The following DIAPH2 variants were observed in gnomAD, a reference collection of about 807,000 sequenced individuals.
DIAPH2 encodes diaphanous related formin 2, also known as protein diaphanous homolog 2.
DIAPH2 carries 35 observed loss-of-function variants against 92.7 expected under a neutral mutation model. That is an observed-to-expected ratio of 0.38 (90% CI 0.29 to 0.50). The LOEUF (loss-of-function observed/expected upper bound fraction) is 0.50, where lower values mean the gene tolerates loss of function less well. DIAPH2 is among the 20% of genes least tolerant of loss of function. The probability of loss-of-function intolerance (pLI) is 0.94; values close to 1 mark genes in which losing one functional copy is unlikely to be tolerated. For missense variants in DIAPH2, 701 were observed against 819.5 expected (o/e 0.86, Z 1.77); for synonymous variants, 301 against 280.4 (o/e 1.07, Z -0.73).
chrX:97,382,028 A>C (rs1161311797), intron 24 of DIAPH2, among the ~76,000 whole-genome samples: 1 of 111,447 alleles, frequency 9.0e-6, no homozygotes, highest in African/African-American at 3.3e-5. Flanking sequence ...CTGTTTACCA[A>C]ATTAGAGATT....
chrX:97,596,687 G>A (rs1302919277), intron 26 of DIAPH2, among the ~76,000 whole-genome samples: 1 of 111,536 alleles, frequency 9.0e-6, no homozygotes, highest in African/African-American at 3.3e-5. Flanking sequence ...TCTAACATTT[G>A]TCCTTTCCTC....
chrX:97,425,346 A>G (rs143301986), intron 25 of DIAPH2, among the ~76,000 whole-genome samples: 1 of 112,267 alleles, frequency 8.9e-6, no homozygotes. Flanking sequence ...TCTATTGTAC[A>G]TCATGGTAAC....
chrX:96,818,631 G>A (rs1190482845), intron 4 of DIAPH2, among the ~76,000 whole-genome samples: 1 of 112,225 alleles, frequency 8.9e-6, no homozygotes, highest in Non-Finnish European at 1.9e-5. Flanking sequence ...AGTGGCTAGC[G>A]ACTATTTTTA....
At chrX:96,962,420 C>CATAT (rs763042811) in intron 16 of DIAPH2, among the ~76,000 whole-genome samples, 7 of 60,170 alleles carry the variant, frequency 1.2e-4, no homozygotes, top group Non-Finnish European at 1.7e-4. Flanking sequence ...TATATATACA[C>CATAT]ATATATATAC....
intron 23 of DIAPH2, among the ~76,000 whole-genome samples, chrX:97,276,250 A>G (rs2068450868): frequency 9.0e-6 from 1 of 111,230 alleles, no homozygotes; most frequent in African/African-American, 3.3e-5. Flanking sequence ...TCGGCTCGGC[A>G]TCTGAGGGAG....
At chrX:97,070,845 A>G (rs1390037693) in intron 17 of DIAPH2, among the ~76,000 whole-genome samples, 5 of 111,672 alleles carry the variant, frequency 4.5e-5, no homozygotes, top group African/African-American at 1.6e-4. Context: ...ATTTTAAACA[A>G]TTTGTTCACT....
At chrX:96,908,495 TATC>T (rs1217950775) in intron 5 of DIAPH2, among the ~76,000 whole-genome samples, 1 of 111,949 alleles carries the variant, frequency 8.9e-6, no homozygotes, top group Non-Finnish European at 1.9e-5. Flanking sequence ...ACTGTATTCT[TATC>T]ATTCTAGATG....
At chrX:96,914,884 G>T (rs1439240647) in intron 7 of DIAPH2, among the ~76,000 whole-genome samples, 3 of 111,326 alleles carry the variant, frequency 2.7e-5, no homozygotes, top group African/African-American at 9.7e-5. Context: ...TATGCCTTCA[G>T]AATAGAAAAT....
chrX:96,991,479 G>GAT (rs1345569537), intron 17 of DIAPH2, among the ~76,000 whole-genome samples: 2 of 105,619 alleles, frequency 1.9e-5, no homozygotes, highest in Non-Finnish European at 3.9e-5. Flanking sequence ...ACTTGCCCAA[G>GAT]ATAACACAGA....
chrX:97,518,352 G>A (rs2070965211), intron 26 of DIAPH2, among the ~76,000 whole-genome samples: 2 of 111,291 alleles, frequency 1.8e-5, no homozygotes, highest in Non-Finnish European at 3.8e-5. Flanking sequence ...AAAACTAGAG[G>A]AGATAAAGTA....
intron 4 of DIAPH2, among the ~76,000 whole-genome samples, chrX:96,833,680 G>T (rs1472079391): frequency 9.1e-6 from 1 of 109,618 alleles, no homozygotes; most frequent in South Asian, 3.9e-4. Context: ...TTATTTTTTG[G>T]GACTGAGTCT....
In DIAPH2 at chrX:96,912,310, T is replaced by G. The variant is rs2065473775; in HGVS notation, c.588-18T>G. On this transcript the variant is annotated intron_variant, in intron 5 of 26. Coordinates refer to ENST00000324765, the MANE Select transcript of DIAPH2 (RefSeq NM_006729.5). ...TTACTAACTTACTTATACATCTAAT[T>G]TTTTGTTTATTTCTCAGCTGGGTTA... The G allele has an allele frequency of 4.3e-6, 5 of 1,159,318 alleles. No homozygotes were observed. The highest frequency in any genetic ancestry group is 4.7e-6 in the Non-Finnish European group (4 of 859,949).
At chrX:96,915,053 G>T (rs950240213) in intron 7 of DIAPH2, among the ~76,000 whole-genome samples, 1 of 110,825 alleles carries the variant, frequency 9.0e-6, no homozygotes, top group Non-Finnish European at 1.9e-5. Context: ...GTAACAATAG[G>T]ATCATAAAAA....
intron 1 of DIAPH2, among the ~76,000 whole-genome samples, chrX:96,712,132 A>G (rs2063922126): frequency 9.0e-6 from 1 of 110,821 alleles, no homozygotes; most frequent in Non-Finnish European, 1.9e-5. Flanking sequence ...TCATGTTTGT[A>G]TCTGTCATCT....
chrX:97,113,098 C>T (rs2147377392), intron 20 of DIAPH2, among the ~76,000 whole-genome samples: 1 of 110,920 alleles, frequency 9.0e-6, no homozygotes, highest in Admixed American at 9.6e-5. Flanking sequence ...CTTTTAGTGT[C>T]AGTTCTATGT....
chrX:96,684,993 C>T lies in DIAPH2; in HGVS notation c.-66C>T. On this transcript the variant is annotated 5_prime_UTR_variant, in exon 1 of 27. Coordinates refer to ENST00000324765, the MANE Select transcript of DIAPH2 (RefSeq NM_006729.5). Reference sequence around the variant, plus strand: ...AGTCAGCGCGGGGCAGTGTGAGCGCCCCGAGGTGCTTTCTCAGTTGAGGAG... The same window carrying T: ...AGTCAGCGCGGGGCAGTGTGAGCGCTCCGAGGTGCTTTCTCAGTTGAGGAG... 1.1e-6 allele frequency: 1 copy of T among 948,837 alleles called. No homozygotes were observed. Among genetic ancestry groups the T allele is most frequent in the Non-Finnish European group, 1.3e-6 (1 of 754,764 alleles). 78.2% of individuals were successfully genotyped at this position (948,837 alleles called of 1,213,427 possible). A position where few individuals can be genotyped will look rare whatever the true frequency, so the allele number is the denominator to read the frequency against.
intron 24 of DIAPH2, among the ~76,000 whole-genome samples, chrX:97,349,081 TA>T (rs1264429947): frequency 0.014 from 1,049 of 74,993 alleles, 13 homozygotes; most frequent in East Asian, 0.058. Flanking sequence ...TATATATATA[TA>T]TTTTTTTTTT....
At chrX:97,028,810 G>A (rs1303470024) in intron 17 of DIAPH2, among the ~76,000 whole-genome samples, 1 of 111,710 alleles carries the variant, frequency 9.0e-6, no homozygotes, top group Non-Finnish European at 1.9e-5. Flanking sequence ...ATTCTACTGG[G>A]CATGTATCGG....
rs1474853906 is a variant in DIAPH2 at position 97,032,420 on chromosome X, G to A, written c.2051-40521G>A. Among the ~76,000 whole-genome samples the A allele has an allele frequency of 4.5e-5, 5 of 110,966 alleles. No homozygotes were observed. In the East Asian group the frequency reaches 8.5e-4, roughly 19 times the overall value. Reference sequence around the variant, plus strand: ...TACATTACTCAAATTACTAAATTACGGTTCTATTTCCTGAATTTATCCTTG... The same window carrying A: ...TACATTACTCAAATTACTAAATTACAGTTCTATTTCCTGAATTTATCCTTG... On this transcript the variant is annotated intron_variant, in intron 17 of 26. Coordinates refer to ENST00000324765, the MANE Select transcript of DIAPH2 (RefSeq NM_006729.5).
Sources: allele counts gnomAD v4.1 joint callset (sites outside exome capture counted in the v4.1 genomes callset), GRCh38; gene constraint gnomAD v4.1.1; transcripts MANE v1.5; gene names NCBI Gene and HGNC (gene_info 2026-07-23, HGNC 2026-07-21).